The following GRM7 variants were observed in gnomAD, a reference collection of about 807,000 sequenced individuals.
GRM7 encodes the protein metabotropic glutamate receptor 7.
In GRM7, 35 loss-of-function variants were observed where a neutral mutation model predicts 84.5. The observed-to-expected ratio is 0.41, with a 90% CI of 0.32 to 0.55. The LOEUF (loss-of-function observed/expected upper bound fraction) is 0.55, where lower values mean the gene tolerates loss of function less well. Among genes scored for constraint, GRM7 ranks in the 20% least tolerant of loss-of-function variants. The pLI is 0.19. For missense variants in GRM7, 1,003 were observed against 1,194.6 expected (o/e 0.84, Z 2.36); for synonymous variants, 487 against 455.1 (o/e 1.07, Z -0.89).
At chr3:7,620,120 G>A (rs1331167463) in intron 8 of GRM7, among the ~76,000 whole-genome samples, 1 of 151,390 alleles carries the variant, frequency 6.6e-6, no homozygotes, top group Non-Finnish European at 1.5e-5. Context: ...AAGAAAGATG[G>A]TTAGAAAGAT....
chr3:6,901,205 A>G (rs948660936), intron 1 of GRM7, among the ~76,000 whole-genome samples: 4 of 152,218 alleles, frequency 2.6e-5, no homozygotes, highest in Admixed American at 6.5e-5. Flanking sequence ...TATTTTAATC[A>G]TACATATTAT....
At chr3:7,403,351 G>A (rs988175018) in intron 4 of GRM7, among the ~76,000 whole-genome samples, 3 of 151,532 alleles carry the variant, frequency 2.0e-5, no homozygotes, top group Middle Eastern at 3.4e-3. Flanking sequence ...TATTATAAAT[G>A]TATAATTGTA....
chr3:7,567,630 C>T (rs967978917), intron 7 of GRM7, among the ~76,000 whole-genome samples: 7 of 151,566 alleles, frequency 4.6e-5, no homozygotes, highest in Admixed American at 2.0e-4. Flanking sequence ...GCCTGTAATC[C>T]CAGCTACTGG....
chr3:7,492,451 G>A (rs1347726772), intron 7 of GRM7, among the ~76,000 whole-genome samples: 1 of 152,038 alleles, frequency 6.6e-6, no homozygotes, highest in Non-Finnish European at 1.5e-5. Context: ...GGCTTTCAGG[G>A]AATTGGTGTG....
chr3:7,224,615 T>C (rs1227093751), intron 2 of GRM7, among the ~76,000 whole-genome samples: 2 of 152,220 alleles, frequency 1.3e-5, no homozygotes, highest in African/African-American at 4.8e-5. Flanking sequence ...GTGGATGGTG[T>C]TCACTGAGAA....
chr3:7,114,541 T>C (rs558732361), intron 1 of GRM7, among the ~76,000 whole-genome samples: 1 of 152,268 alleles, frequency 6.6e-6, no homozygotes, highest in South Asian at 2.1e-4. Flanking sequence ...AAATGCAGTC[T>C]CCTCTTTCCT....
intron 4 of GRM7, among the ~76,000 whole-genome samples, chr3:7,353,146 C>T (rs576180631): frequency 3.2e-4 from 48 of 152,194 alleles, no homozygotes; most frequent in Non-Finnish European, 4.3e-4. Flanking sequence ...GCCACCTCCA[C>T]CAGCCTTTTT....
intron 1 of GRM7, among the ~76,000 whole-genome samples, chr3:6,954,395 A>G (rs947827477): frequency 1.3e-5 from 2 of 152,204 alleles, no homozygotes. Context: ...TTATGCTGCA[A>G]TGAAAGCATA....
intron 9 of GRM7, among the ~76,000 whole-genome samples, chr3:7,706,001 T>C (rs946653871): frequency 1.3e-5 from 2 of 152,120 alleles, no homozygotes; most frequent in African/African-American, 4.8e-5. Context: ...GAGGTGGTGG[T>C]AGAGCAGGAA....
intron 1 of GRM7, among the ~76,000 whole-genome samples, chr3:7,013,078 C>T (rs1469504302): frequency 1.3e-5 from 2 of 151,686 alleles, no homozygotes; most frequent in Non-Finnish European, 2.9e-5. Context: ...TAGACCACAC[C>T]TCTTTTGCCC....
At chr3:6,906,781 A>C (rs1034781229) in intron 1 of GRM7, among the ~76,000 whole-genome samples, 3 of 152,158 alleles carry the variant, frequency 2.0e-5, no homozygotes, top group Admixed American at 2.0e-4. Flanking sequence ...CAAAGAATTA[A>C]ATTTGAAAGT....
chr3:7,634,811 A>G (rs1332209316), intron 8 of GRM7, among the ~76,000 whole-genome samples: 3 of 151,486 alleles, frequency 2.0e-5, no homozygotes, highest in African/African-American at 7.3e-5. Context: ...AAAAAAGAAA[A>G]AGAAAAAGAA....
intron 7 of GRM7, among the ~76,000 whole-genome samples, chr3:7,482,618 G>T (rs906626410): frequency 6.6e-6 from 1 of 152,206 alleles, no homozygotes; most frequent in Non-Finnish European, 1.5e-5. Flanking sequence ...GGAGGCAATG[G>T]TATGTATAGG....
chr3:7,716,633 G>A (rs185526976), intron 9 of GRM7, among the ~76,000 whole-genome samples: 1 of 152,152 alleles, frequency 6.6e-6, no homozygotes, highest in Non-Finnish European at 1.5e-5. Flanking sequence ...CCCCAGTCTA[G>A]CCTGAATACC....
At chr3:7,246,923 A>G (rs1379898666) in intron 2 of GRM7, among the ~76,000 whole-genome samples, 5 of 152,168 alleles carry the variant, frequency 3.3e-5, no homozygotes, top group South Asian at 2.1e-4. Context: ...CTTAACATAA[A>G]TCTATAGTAA....
At chr3:7,465,983 A>C (rs1223493070) in intron 7 of GRM7, among the ~76,000 whole-genome samples, 1 of 152,158 alleles carries the variant, frequency 6.6e-6, no homozygotes, top group East Asian at 1.9e-4. Context: ...CTACCAGGAT[A>C]TTTCTGCTGA....
intron 8 of GRM7, chr3:7,607,372 T>C (rs1275572376): frequency 6.6e-6 from 1 of 152,016 alleles, no homozygotes; most frequent in Non-Finnish European, 1.5e-5. Flanking sequence ...CTCTTTGGAG[T>C]CTTCAATAAG....
At chr3:7,503,786 T>TC (rs1699957034) in intron 7 of GRM7, among the ~76,000 whole-genome samples, 1 of 152,194 alleles carries the variant, frequency 6.6e-6, no homozygotes, top group Non-Finnish European at 1.5e-5. Context: ...CCAATTGAAC[T>TC]GTCAGCTTTT....
At chr3:7,506,078 G>T (rs1700031440) in intron 7 of GRM7, among the ~76,000 whole-genome samples, 1 of 152,124 alleles carries the variant, frequency 6.6e-6, no homozygotes, top group South Asian at 2.1e-4. Flanking sequence ...CCATTAAGCA[G>T]CCTGCATGGT....
Sources: gnomAD v4.1 joint callset for allele counts (sites outside exome capture counted in the v4.1 genomes callset) on GRCh38, gnomAD v4.1.1 for gene constraint, MANE v1.5 for transcripts, NCBI Gene and HGNC (gene_info 2026-07-23, HGNC 2026-07-21) for gene names.